Variants in DLGAP4 observed in about 807,000 individuals in gnomAD.
DLGAP4 encodes DLG associated protein 4, also known as disks large-associated protein 4.
A neutral mutation model predicts 86.9 loss-of-function variants in DLGAP4; 18 were observed. That is an observed-to-expected ratio of 0.21 (90% confidence interval 0.14 to 0.31). The LOEUF is 0.31. Among genes scored for constraint, DLGAP4 ranks in the 10% least tolerant of loss-of-function variants. The pLI, the probability that DLGAP4 is intolerant of heterozygous loss-of-function variation, is 1.00. For synonymous variants in DLGAP4, 548 were observed against 574.3 expected (o/e 0.95, Z 0.65); for missense variants, 1,085 against 1,362.6 (o/e 0.80, Z 3.21).
intron 7 of DLGAP4, among the ~76,000 whole-genome samples, chr20:36,467,061 T>TCTCTCC: frequency 2.0e-5 from 1 of 50,198 alleles, no homozygotes; most frequent in South Asian, 5.8e-4. Context: ...TCTCTCTCTC[T>TCTCTCC]CTCCCCCCCC....
chr20:36,523,084 T>C (rs1477854793), intron 10 of DLGAP4, among the ~76,000 whole-genome samples: 1 of 152,160 alleles, frequency 6.6e-6, no homozygotes, highest in Non-Finnish European at 1.5e-5. Flanking sequence ...GCTGTGCCAG[T>C]ACTTTATGAT....
At chr20:36,402,726 G>A (rs1041844257) in intron 2 of DLGAP4, among the ~76,000 whole-genome samples, 2 of 152,078 alleles carry the variant, frequency 1.3e-5, no homozygotes, top group African/African-American at 4.8e-5. Context: ...GGGTGATAGG[G>A]CAAGACCCTG....
At chr20:36,462,731 G>T (rs946303920) in intron 7 of DLGAP4, 1 of 1,265,636 alleles carries the variant, frequency 7.9e-7, no homozygotes, top group Non-Finnish European at 1.1e-6. Flanking sequence ...CACAAAGGGG[G>T]AAAGGAGGGA....
At chr20:36,396,413 A>ATACACGTG (rs2031972631) in intron 2 of DLGAP4, among the ~76,000 whole-genome samples, 1 of 41,366 alleles carries the variant, frequency 2.4e-5, no homozygotes, top group African/African-American at 7.7e-5. Context: ...CACCACATAC[A>ATACACGTG]CACACACACA....
chr20:36,396,330 CACACACGCACACACA>C (rs2031950271), intron 2 of DLGAP4, among the ~76,000 whole-genome samples: 1 of 1,104 alleles, frequency 9.1e-4, no homozygotes, highest in African/African-American at 1.4e-3. Context: ...AGCACACACA[CACACACGCACACACA>C]CACACACATA....
In DLGAP4 at chr20:36,446,926, G is replaced by T. The variant is rs748450222; in HGVS notation, c.1637G>T (p.Arg546Leu). ...AGTACCGGCAGCCTCAGCAATAGTCGCACGCTTCCGAGTGAGTACTGTGAT... is the reference window on the plus strand; with the variant it reads ...AGTACCGGCAGCCTCAGCAATAGTCTCACGCTTCCGAGTGAGTACTGTGAT... ...PPSTGSLSNSRTLPSSSCLVA... is the reference protein window; with the variant it reads ...PPSTGSLSNSLTLPSSSCLVA... Residue 546 changes from arginine (R) to leucine (L), a missense_variant, in exon 7 of 13, where the codon CGC becomes CTC. This residue lies in a region of DLGAP4 where 1,082 missense variants were observed against 1,344.1 expected (regional missense o/e 0.81). Coordinates refer to ENST00000339266, the MANE Select transcript of DLGAP4 (RefSeq NM_001365621.2). The T allele has an allele frequency of 1.9e-6, 3 of 1,609,520 alleles. No homozygotes were observed. The highest frequency in any genetic ancestry group is 1.3e-5 in the African/African-American group (1 of 74,998).
intron 2 of DLGAP4, among the ~76,000 whole-genome samples, chr20:36,410,786 C>T (rs1163986088): frequency 6.6e-6 from 1 of 152,120 alleles, no homozygotes; most frequent in Non-Finnish European, 1.5e-5. Context: ...CCAAACCCCA[C>T]CTCCAACACA....
intron 10 of DLGAP4, among the ~76,000 whole-genome samples, chr20:36,505,296 AG>A (rs2036313906): frequency 2.0e-5 from 3 of 152,036 alleles, no homozygotes; most frequent in Non-Finnish European, 2.9e-5. Flanking sequence ...TGACGCACAA[AG>A]GTTCTTAGTT....
Position 36,436,192 on chromosome 20 carries a change from C to G in DLGAP4, c.1083C>G (p.Cys361Trp), listed in dbSNP as rs955104058. ...TDAAAEGPIP[C>W]RRMRSGSYIK... is the part of the protein sequence containing the mutation. ...CCGCGGCCGAGGGCCCTATCCCGTG[C>G]CGGCGCATGCGCAGCGGCAGCTACA... The change falls in exon 4 of 13, where the codon TGC (cysteine) becomes TGG (tryptophan). Residue 361 changes from cysteine (C) to tryptophan (W), a missense_variant. Around this residue, in one of 2 missense-constraint regions of DLGAP4, gnomAD observed 1,082 missense variants for 1,344.1 expected, o/e 0.81. Coordinates refer to ENST00000339266, the MANE Select transcript of DLGAP4 (RefSeq NM_001365621.2). The G allele has an allele frequency of 1.9e-6, 3 of 1,602,034 alleles. No individual in the cohort carries two copies. The South Asian group carries it at 3.3e-5, about 18-fold the overall frequency.
Position 36,362,827 on chromosome 20 carries a change from G to A in DLGAP4, c.-303-4218G>A, listed in dbSNP as rs113958581. Among the ~76,000 whole-genome samples, 291 of 152,338 alleles carry A rather than the reference G, an allele frequency of 1.9e-3. 1 individual carries two copies. Among genetic ancestry groups the A allele is most frequent in the African/African-American group, 6.3e-3 (261 of 41,582 alleles). On this transcript the variant is annotated intron_variant, in intron 1 of 12. Coordinates refer to ENST00000339266, the MANE Select transcript of DLGAP4 (RefSeq NM_001365621.2). Reference sequence around the variant, plus strand: ...CAGGGACAGGCTCAGGGAATGTGCTGTGGAGGGCTGGGGAGTGTAGCAGAC... The same window carrying A: ...CAGGGACAGGCTCAGGGAATGTGCTATGGAGGGCTGGGGAGTGTAGCAGAC...
chr20:36,374,777 A>G (rs550403204), intron 2 of DLGAP4, among the ~76,000 whole-genome samples: 1 of 152,082 alleles, frequency 6.6e-6, no homozygotes, highest in Non-Finnish European at 1.5e-5. Context: ...TGGGGAGCTC[A>G]CTCTCCATTT....
intron 5 of DLGAP4, among the ~76,000 whole-genome samples, chr20:36,440,794 A>G (rs2033425263): frequency 6.6e-6 from 1 of 151,794 alleles, no homozygotes; most frequent in African/African-American, 2.4e-5. Context: ...GAAGGCAGAC[A>G]CCTACTGGTA....
At chr20:36,376,042 A>C (rs908009605) in intron 2 of DLGAP4, among the ~76,000 whole-genome samples, 8 of 152,026 alleles carry the variant, frequency 5.3e-5, no homozygotes, top group Admixed American at 5.2e-4. Flanking sequence ...TCTGTTGCCC[A>C]GGCTGGAGTT....
At chr20:36,362,980 C>G (rs2030569844) in intron 1 of DLGAP4, among the ~76,000 whole-genome samples, 1 of 152,170 alleles carries the variant, frequency 6.6e-6, no homozygotes, top group Non-Finnish European at 1.5e-5. Flanking sequence ...GGTCATGCAG[C>G]CACGTAACTG....
At chr20:36,417,666 G>A (rs972433358) in intron 2 of DLGAP4, among the ~76,000 whole-genome samples, 9 of 151,994 alleles carry the variant, frequency 5.9e-5, no homozygotes, top group Middle Eastern at 3.2e-3. Context: ...TTATAAGCAT[G>A]AGTCTCCGTG....
intron 2 of DLGAP4, among the ~76,000 whole-genome samples, chr20:36,376,030 G>A (rs1406402358): frequency 2.0e-5 from 3 of 152,104 alleles, no homozygotes; most frequent in East Asian, 2.0e-4. Flanking sequence ...AGTGTCTCTC[G>A]ATCTGTTGCC....
At chr20:36,416,165 A>G (rs548142169) in intron 2 of DLGAP4, among the ~76,000 whole-genome samples, 18 of 152,322 alleles carry the variant, frequency 1.2e-4, no homozygotes, top group African/African-American at 3.6e-4. Flanking sequence ...TTTGTCGCCC[A>G]GGCTGGAGTG....
chr20:36,323,960 T>A (rs1157531235), intron 1 of DLGAP4, among the ~76,000 whole-genome samples: 2 of 152,228 alleles, frequency 1.3e-5, no homozygotes, highest in Admixed American at 1.3e-4. Context: ...CTGGTACAGG[T>A]CCATGGCCCA....
At chr20:36,499,494 G>A (rs1325234843) in intron 8 of DLGAP4, 94 bp from the exon 9 acceptor site, 40 of 1,426,946 alleles carry the variant, frequency 2.8e-5, no homozygotes, top group Non-Finnish European at 3.7e-5. Flanking sequence ...CGTTTGCGTC[G>A]TCCCACTAAT....
Sources: gnomAD v4.1 joint callset for allele counts (sites outside exome capture counted in the v4.1 genomes callset) on GRCh38, gnomAD v4.1.1 for gene constraint, gnomAD v4.1.1 regional missense constraint, MANE v1.5 for transcripts, NCBI Gene and HGNC (gene_info 2026-07-23, HGNC 2026-07-21) for gene names.